Variants in USP32 observed in about 807,000 individuals in gnomAD.
USP32 encodes ubiquitin specific peptidase 32.
Under a neutral mutation model 204.8 loss-of-function variants are expected in USP32, and 59 were observed. The observed-to-expected ratio is 0.29, with a 90% confidence interval of 0.23 to 0.36. The LOEUF (loss-of-function observed/expected upper bound fraction) is 0.36. USP32 is among the 10% of genes least tolerant of loss of function. The pLI is 1.00. For missense variants in USP32, 1,160 were observed against 1,946.4 expected (o/e 0.60, Z 7.60); for synonymous variants, 517 against 678.4 (o/e 0.76, Z 3.70).
intron 1 of USP32, among the ~76,000 whole-genome samples, chr17:60,365,689 T>A (rs2089297797): frequency 6.6e-6 from 1 of 152,080 alleles, no homozygotes; most frequent in South Asian, 2.1e-4. Flanking sequence ...ATGGTAATAG[T>A]TACGAAGTTG....
At chr17:60,223,375 G>C in intron 14 of USP32, 36 bp downstream of exon 14, 1 of 1,562,282 alleles carries the variant, frequency 6.4e-7, no homozygotes, top group East Asian at 2.2e-5. Context: ...TAGCTTGCAA[G>C]AGAATAATTT....
chr17:60,206,301 A>T (rs1302701455), intron 25 of USP32, among the ~76,000 whole-genome samples: 1 of 146,786 alleles, frequency 6.8e-6, no homozygotes, highest in South Asian at 2.1e-4. Flanking sequence ...TGGGTGACAG[A>T]GTGAGACCAT....
In USP32 at chr17:60,181,366, T is replaced by C; in HGVS notation, c.4506A>G (p.Glu1502=). The C allele has an allele frequency of 6.2e-7, 1 of 1,613,768 alleles. No individual in the cohort carries two copies. Among genetic ancestry groups the C allele is most frequent in the Non-Finnish European group, 8.5e-7 (1 of 1,179,864 alleles). ...SEEDSTDDQR[E]DTRIKPIYNL... ...TATAAATAGGCTTAATACGAGTATC[T>C]TCTCTTTGGTCATCAGTGCTGTCTT... Residue 1502 remains glutamate, a synonymous_variant, in exon 32 of 34, where the codon GAA becomes GAG. Coordinates refer to ENST00000300896, the MANE Select transcript of USP32 (RefSeq NM_032582.4).
At chr17:60,224,463 C>T (rs1410713904) in intron 13 of USP32, among the ~76,000 whole-genome samples, 2 of 152,164 alleles carry the variant, frequency 1.3e-5, no homozygotes, top group East Asian at 3.8e-4. Context: ...ACACCTTCCA[C>T]AGAAAAGGAA....
chr17:60,383,481 G>A (rs2089680331), intron 1 of USP32, among the ~76,000 whole-genome samples: 2 of 152,166 alleles, frequency 1.3e-5, no homozygotes, highest in South Asian at 4.1e-4. Context: ...TGACACTGGG[G>A]ATTCAGCAAC....
At chr17:60,419,409 T>G (rs1330812154) in intron 1 of USP32, among the ~76,000 whole-genome samples, 3 of 152,064 alleles carry the variant, frequency 2.0e-5, no homozygotes, top group Admixed American at 6.6e-5. Context: ...AAATAACTAA[T>G]GGGTACTAGG....
At chr17:60,267,183 G>A (rs1035306239) in intron 7 of USP32, among the ~76,000 whole-genome samples, 2 of 151,662 alleles carry the variant, frequency 1.3e-5, no homozygotes, top group African/African-American at 4.8e-5. Flanking sequence ...CGAGGTGGGC[G>A]AATCGCGAGG....
chr17:60,210,898 G>A (rs1320131049), intron 21 of USP32, 115 bp downstream of exon 21: 1 of 1,435,294 alleles, frequency 7.0e-7, no homozygotes, highest in African/African-American at 1.4e-5. Context: ...TATACCAAGT[G>A]AAGGATCCAA....
chr17:60,238,762 C>G (rs2085801170), intron 11 of USP32, among the ~76,000 whole-genome samples: 1 of 150,544 alleles, frequency 6.6e-6, no homozygotes, highest in Non-Finnish European at 1.5e-5. Context: ...CGAGATCATG[C>G]CATTGCACTC....
At chr17:60,179,965 C>A (rs934763735) in intron 33 of USP32, among the ~76,000 whole-genome samples, 2 of 152,036 alleles carry the variant, frequency 1.3e-5, no homozygotes. Flanking sequence ...CCACCGTGTT[C>A]GGCCCAACCC....
rs755642562 is a variant in USP32, at chr17:60,294,755, C to T, written c.339G>A (p.Arg113=). 1.2e-6 allele frequency: 2 copies of T among 1,612,500 alleles called. No homozygotes were observed. The highest frequency in any genetic ancestry group is 3.3e-5 in the Admixed American group (2 of 59,896). Residue 113 remains arginine, a synonymous_variant, in exon 4 of 34, where the codon CGG becomes CGA. Coordinates refer to ENST00000300896, the MANE Select transcript of USP32 (RefSeq NM_032582.4). ...FSSESGNYVI[R]EEMERMLHVV... ...CGTGGAGCATTCTTTCCATTTCTTC[C>T]CGTATAACATAGTTCCCAGATTCAC...
intron 12 of USP32, among the ~76,000 whole-genome samples, chr17:60,231,843 T>C (rs902652835): frequency 2.6e-5 from 4 of 152,212 alleles, no homozygotes; most frequent in East Asian, 1.9e-4. Context: ...CATAGAAGAA[T>C]AAAGCTTGAC....
chr17:60,413,865 AAAAAAAAAAAG>A (rs1466809106), intron 1 of USP32, among the ~76,000 whole-genome samples: 16 of 147,744 alleles, frequency 1.1e-4, no homozygotes, highest in African/African-American at 3.8e-4. Flanking sequence ...CTGTCTCAAA[AAAAAAAAAAAG>A]AAAAAAAAAA....
At chr17:60,380,856 A>G (rs1338453836) in intron 1 of USP32, among the ~76,000 whole-genome samples, 1 of 152,228 alleles carries the variant, frequency 6.6e-6, no homozygotes, top group East Asian at 1.9e-4. Flanking sequence ...AATAAGAATT[A>G]GAAATTTGTG....
chr17:60,327,988 G>A (rs529044380), intron 2 of USP32, among the ~76,000 whole-genome samples: 1 of 152,256 alleles, frequency 6.6e-6, no homozygotes, highest in Non-Finnish European at 1.5e-5. Context: ...GCCTGCAGGT[G>A]CCCCTTGGCA....
At chr17:60,207,187 A>G in intron 24 of USP32, 55 bp from the exon 25 acceptor site, 1 of 1,569,594 alleles carries the variant, frequency 6.4e-7, no homozygotes, top group Non-Finnish European at 8.6e-7. Context: ...AAAATGGAAA[A>G]GTTCTCTCTC....
At chr17:60,274,447 C>A (rs555062943) in intron 5 of USP32, among the ~76,000 whole-genome samples, 68 of 152,128 alleles carry the variant, frequency 4.5e-4, no homozygotes, top group Non-Finnish European at 8.2e-4. Flanking sequence ...GTTCAATGAA[C>A]CTTGTGTTAG....
intron 1 of USP32, among the ~76,000 whole-genome samples, chr17:60,405,827 C>T (rs1011426925): frequency 2.0e-5 from 3 of 151,968 alleles, no homozygotes; most frequent in Admixed American, 6.6e-5. Flanking sequence ...TAAATTCATC[C>T]GTAACCATCG....
intron 12 of USP32, among the ~76,000 whole-genome samples, chr17:60,226,579 T>C (rs116527161): frequency 6.6e-6 from 1 of 152,102 alleles, no homozygotes; most frequent in African/African-American, 2.4e-5. Context: ...ATGTATATAA[T>C]TTTTTTATTA....
Sources: gnomAD v4.1 joint callset for allele counts (sites outside exome capture counted in the v4.1 genomes callset) on GRCh38, gnomAD v4.1.1 for gene constraint, MANE v1.5 for transcripts, NCBI Gene and HGNC (gene_info 2026-07-23, HGNC 2026-07-21) for gene names.